ERBB4: variants seen among roughly 807,000 people sequenced by gnomAD.
ERBB4 encodes erb-b2 receptor tyrosine kinase 4.
ERBB4 carries 42 observed loss-of-function variants against 158.0 expected under a neutral mutation model. The observed-to-expected ratio is 0.27, with a 90% confidence interval of 0.21 to 0.34. The LOEUF (loss-of-function observed/expected upper bound fraction) is 0.34, where lower values mean the gene tolerates loss of function less well. ERBB4 is among the 10% of genes least tolerant of loss of function. ERBB4 has a pLI of 1.00. For missense variants in ERBB4, 1,333 were observed against 1,624.1 expected (o/e 0.82, Z 3.08); for synonymous variants, 583 against 558.7 (o/e 1.04, Z -0.61).
chr2:212,431,545 A>G (rs1316629585), intron 1 of ERBB4, among the ~76,000 whole-genome samples: 2 of 152,136 alleles, frequency 1.3e-5, no homozygotes, highest in African/African-American at 4.8e-5. Context: ...ACCAAAGAGC[A>G]AGAGTAATCC....
At chr2:211,879,453 T>A (rs2078603230) in intron 3 of ERBB4, among the ~76,000 whole-genome samples, 1 of 152,200 alleles carries the variant, frequency 6.6e-6, no homozygotes, top group Admixed American at 6.5e-5. Flanking sequence ...AATAAATATA[T>A]CCTATGTCTT....
At chr2:211,730,306 A>C (rs565381652) in intron 5 of ERBB4, among the ~76,000 whole-genome samples, 1 of 152,126 alleles carries the variant, frequency 6.6e-6, no homozygotes, top group South Asian at 2.1e-4. Flanking sequence ...AAGACAAAGA[A>C]TATTCATAAA....
chr2:211,708,161 A>G (rs74864475), intron 9 of ERBB4, among the ~76,000 whole-genome samples: 2,706 of 152,146 alleles, frequency 0.018, 67 homozygotes, highest in African/African-American at 0.061. Context: ...ATACATATAT[A>G]ACATGTCTAA....
intron 2 of ERBB4, among the ~76,000 whole-genome samples, chr2:212,021,264 C>T (rs1489837459): frequency 2.6e-5 from 4 of 152,084 alleles, no homozygotes; most frequent in African/African-American, 2.4e-5. Context: ...AGTCTTAATG[C>T]ATGATTCCAA....
chr2:212,364,897 G>A (rs1189853877), intron 1 of ERBB4, among the ~76,000 whole-genome samples: 8 of 136,742 alleles, frequency 5.9e-5, no homozygotes, highest in South Asian at 4.8e-4. Flanking sequence ...TTGTGTGTGC[G>A]TCTGTGTGTG....
chr2:211,543,950 T>G (rs753077811), intron 20 of ERBB4, among the ~76,000 whole-genome samples: 7 of 151,934 alleles, frequency 4.6e-5, no homozygotes, highest in Non-Finnish European at 7.4e-5. Flanking sequence ...CACCTGTGAA[T>G]AAGATCATGG....
At chr2:212,219,426 A>G (rs1272567443) in intron 1 of ERBB4, among the ~76,000 whole-genome samples, 1 of 151,314 alleles carries the variant, frequency 6.6e-6, no homozygotes, top group Non-Finnish European at 1.5e-5. Flanking sequence ...GACCTAAATT[A>G]TAACATTTTT....
chr2:212,521,598 A>G (rs982520121), intron 1 of ERBB4, among the ~76,000 whole-genome samples: 1 of 151,894 alleles, frequency 6.6e-6, no homozygotes, highest in South Asian at 2.1e-4. Context: ...ATAGCATACA[A>G]AATATAATTA....
intron 1 of ERBB4, among the ~76,000 whole-genome samples, chr2:212,147,648 T>C (rs1027679004): frequency 4.0e-4 from 61 of 152,278 alleles, no homozygotes; most frequent in Admixed American, 1.0e-3. Context: ...CTCAGCAGAA[T>C]TGAATAAATT....
intron 1 of ERBB4, among the ~76,000 whole-genome samples, chr2:212,413,965 A>T (rs574039753): frequency 6.6e-6 from 1 of 152,296 alleles, no homozygotes; most frequent in African/African-American, 2.4e-5. Flanking sequence ...AGTTTTATTC[A>T]TCTGTGAAAT....
chr2:212,218,256 G>A (rs1161796688), intron 1 of ERBB4, among the ~76,000 whole-genome samples: 4 of 151,272 alleles, frequency 2.6e-5, no homozygotes, highest in African/African-American at 9.7e-5. Flanking sequence ...AATAATATCT[G>A]AAGTACAAAT....
intron 14 of ERBB4, among the ~76,000 whole-genome samples, chr2:211,671,706 A>T (rs1421748305): frequency 6.6e-6 from 1 of 152,188 alleles, no homozygotes; most frequent in Non-Finnish European, 1.5e-5. Context: ...TCTCTCAGAA[A>T]GAGATTTTTT....
At chr2:212,231,454 G>C (rs1224870999) in intron 1 of ERBB4, among the ~76,000 whole-genome samples, 1 of 152,164 alleles carries the variant, frequency 6.6e-6, no homozygotes, top group Non-Finnish European at 1.5e-5. Context: ...AAACGGCAAA[G>C]TGCCCATGAA....
intron 1 of ERBB4, among the ~76,000 whole-genome samples, chr2:212,498,770 G>A (rs1247702959): frequency 1.3e-5 from 2 of 152,066 alleles, no homozygotes; most frequent in Middle Eastern, 6.8e-3. Context: ...CTACAAAAAT[G>A]TGCTTTTCTT....
At chr2:212,339,695 G>A (rs1574718553) in intron 1 of ERBB4, among the ~76,000 whole-genome samples, 2 of 151,730 alleles carry the variant, frequency 1.3e-5, no homozygotes, top group African/African-American at 4.8e-5. Context: ...TTTCATTTGG[G>A]GAAATAACAG....
intron 20 of ERBB4, among the ~76,000 whole-genome samples, chr2:211,480,280 T>C (rs1406801590): frequency 1.5e-4 from 23 of 152,162 alleles, no homozygotes; most frequent in Admixed American, 1.5e-3. Flanking sequence ...CTTGGTTATA[T>C]GGTTTGGCTC....
chr2:212,446,684 G>T (rs1183456260), intron 1 of ERBB4, among the ~76,000 whole-genome samples: 1 of 125,906 alleles, frequency 7.9e-6, no homozygotes, highest in Non-Finnish European at 1.7e-5. Flanking sequence ...ATACACCAGG[G>T]TATGTGAAAA....
intron 18 of ERBB4, among the ~76,000 whole-genome samples, chr2:211,621,018 G>A (rs2069580442): frequency 6.6e-6 from 1 of 152,106 alleles, no homozygotes; most frequent in African/African-American, 2.4e-5. Flanking sequence ...AGGAGGCTGA[G>A]GTGGGAGGAT....
chr2:211,573,571 G>A (rs1165715460), intron 19 of ERBB4, among the ~76,000 whole-genome samples: 1 of 152,130 alleles, frequency 6.6e-6, no homozygotes, highest in East Asian at 1.9e-4. Flanking sequence ...CCGGGAGGCT[G>A]AGGCAGGACA....
Sources: allele counts gnomAD v4.1 joint callset (sites outside exome capture counted in the v4.1 genomes callset), GRCh38; gene constraint gnomAD v4.1.1; transcripts MANE v1.5; gene names NCBI Gene and HGNC (gene_info 2026-07-23, HGNC 2026-07-21).